AFG2A: variants seen among roughly 807,000 people sequenced by gnomAD.
The protein encoded by AFG2A is AAA ATPase AFG2A, also known as ATPase family gene 2 protein homolog A.
the AFG2A span, among the ~76,000 whole-genome samples, chr4:123,101,824 T>C: frequency 6.6e-6 from 1 of 151,888 alleles, no homozygotes; most frequent in African/African-American, 2.4e-5. Flanking sequence ...AGGATAAATA[T>C]GATAGGGGCC....
chr4:123,148,625 A>G, the AFG2A span, among the ~76,000 whole-genome samples: 1 of 152,194 alleles, frequency 6.6e-6, no homozygotes, highest in African/African-American at 2.4e-5. Flanking sequence ...TACCACCACC[A>G]GAGCCTTTTC....
the AFG2A span, among the ~76,000 whole-genome samples, chr4:123,221,858 C>T: frequency 1.3e-5 from 2 of 151,808 alleles, no homozygotes; most frequent in East Asian, 1.9e-4. Flanking sequence ...ACCCGGGAGG[C>T]GGAGGTTGCA....
chr4:123,162,511 AAGG>A, the AFG2A span, among the ~76,000 whole-genome samples: 211 of 152,274 alleles, frequency 1.4e-3, no homozygotes, highest in Non-Finnish European at 2.1e-3. Context: ...ATGGAAAAGA[AAGG>A]AGAATCAATG....
At chr4:123,296,275 G>A in the AFG2A span, among the ~76,000 whole-genome samples, 32 of 152,224 alleles carry the variant, frequency 2.1e-4, no homozygotes, top group African/African-American at 6.7e-4. Context: ...TAACACCAGA[G>A]GGATGCAGGA....
At chr4:123,015,511 C>G in the AFG2A span, among the ~76,000 whole-genome samples, 1 of 151,678 alleles carries the variant, frequency 6.6e-6, no homozygotes. Flanking sequence ...GTAGGGTCAC[C>G]GATCAACAGG....
chr4:123,132,449 A>G, the AFG2A span, among the ~76,000 whole-genome samples: 1 of 151,908 alleles, frequency 6.6e-6, no homozygotes, highest in Non-Finnish European at 1.5e-5. Flanking sequence ...GTTGTCGCAA[A>G]TGGCAAGATT....
the AFG2A span, among the ~76,000 whole-genome samples, chr4:123,015,117 A>T: frequency 6.6e-6 from 1 of 151,602 alleles, no homozygotes; most frequent in Non-Finnish European, 1.5e-5. Flanking sequence ...TGTCTGCACA[A>T]TCTGTCTGCT....
the AFG2A span, among the ~76,000 whole-genome samples, chr4:123,139,837 T>C: frequency 6.6e-6 from 1 of 152,096 alleles, no homozygotes; most frequent in Non-Finnish European, 1.5e-5. Context: ...TCATTCAAGT[T>C]CTACATTCTA....
chr4:122,941,364 G>T, the AFG2A span, among the ~76,000 whole-genome samples: 2 of 151,658 alleles, frequency 1.3e-5, no homozygotes, highest in African/African-American at 4.8e-5. Context: ...TTGTAAGTTG[G>T]ATTCCTAGGT....
chr4:123,314,997 C>CACTGTACTGTA, the AFG2A span: 1 of 151,864 alleles, frequency 6.6e-6, no homozygotes, highest in Non-Finnish European at 1.5e-5. Flanking sequence ...CTCAGGTGAC[C>CACTGTACTGTA]CACCCACCTG....
At chr4:122,936,271 G>A in the AFG2A span, 1 of 550,262 alleles carries the variant, frequency 1.8e-6, no homozygotes. Context: ...TAGTGATAGT[G>A]GTAGAAGTAG....
the AFG2A span, among the ~76,000 whole-genome samples, chr4:122,990,425 C>T: frequency 6.6e-6 from 1 of 152,122 alleles, no homozygotes; most frequent in Non-Finnish European, 1.5e-5. Context: ...GTATCCTTTA[C>T]CTCACTGTGT....
chr4:122,925,767 C>A, the AFG2A span, among the ~76,000 whole-genome samples: 4 of 152,222 alleles, frequency 2.6e-5, no homozygotes, highest in South Asian at 8.3e-4. Context: ...TACAGCTATC[C>A]ACTGATTGTT....
chr4:122,928,926 A>G, the AFG2A span: 1 of 1,310,496 alleles, frequency 7.6e-7, no homozygotes, highest in Non-Finnish European at 1.0e-6. Flanking sequence ...TTTTGGGTAA[A>G]GACTGTATTT....
the AFG2A span, among the ~76,000 whole-genome samples, chr4:123,024,227 C>CAAAAAAAAAAAAA: frequency 8.1e-6 from 1 of 123,648 alleles, no homozygotes; most frequent in Non-Finnish European, 1.6e-5. Context: ...AGACTATAAG[C>CAAAAAAAAAAAAA]AAAAAAAAAA....
the AFG2A span, among the ~76,000 whole-genome samples, chr4:123,128,535 T>A: frequency 6.6e-6 from 1 of 152,172 alleles, no homozygotes; most frequent in Non-Finnish European, 1.5e-5. Flanking sequence ...AACACAAATT[T>A]TTTTTAAAGT....
the AFG2A span, among the ~76,000 whole-genome samples, chr4:123,050,684 C>G: frequency 1.3e-5 from 2 of 150,456 alleles, no homozygotes; most frequent in Non-Finnish European, 3.0e-5. Context: ...CACTGTTAGT[C>G]TATATGTGCT....
At chr4:123,134,598 T>TC in the AFG2A span, among the ~76,000 whole-genome samples, 1 of 150,920 alleles carries the variant, frequency 6.6e-6, no homozygotes, top group Admixed American at 6.6e-5. Context: ...TTTTAGGATT[T>TC]TTTTTTTTTT....
the AFG2A span, among the ~76,000 whole-genome samples, chr4:123,195,732 C>T: frequency 6.6e-6 from 1 of 152,216 alleles, no homozygotes; most frequent in African/African-American, 2.4e-5. Context: ...TCTCTCTGTC[C>T]CTCAGTGATT....
Sources: allele counts gnomAD v4.1 joint callset (sites outside exome capture counted in the v4.1 genomes callset), GRCh38; gene constraint gnomAD v4.1.1; transcripts MANE v1.5; gene names NCBI Gene and HGNC (gene_info 2026-07-23, HGNC 2026-07-21).